ACACB: variants seen among roughly 807,000 people sequenced by gnomAD.
ACACB encodes acetyl-CoA carboxylase 2.
In ACACB, 209 loss-of-function variants were observed where a neutral mutation model predicts 278.8. The observed-to-expected ratio is 0.75, with a 90% CI of 0.67 to 0.84. ACACB has a LOEUF of 0.84. Ranked by LOEUF, ACACB falls within the 40% of genes least tolerant of loss-of-function variation. ACACB has a pLI of 0.00. For missense variants in ACACB, 2,850 were observed against 3,269.0 expected (o/e 0.87, Z 3.13); for synonymous variants, 1,174 against 1,285.6 (o/e 0.91, Z 1.86).
At position 109,256,252 on chromosome 12, in the gene ACACB, G is replaced by T; in HGVS notation, c.6263+16G>T. ...GACGAGCAAGGTAATCATGAAGACG[G>T]GAGCAGGCTGCCCATGTCTGACTCA... On this transcript the variant is annotated intron_variant, in intron 45 of 52. Transcript: ENST00000338432. The T allele has an allele frequency of 6.2e-7, 1 of 1,609,396 alleles. No homozygotes were observed. Among genetic ancestry groups the T allele is most frequent in the South Asian group, 1.1e-5 (1 of 90,962 alleles).
intron 15 of ACACB, among the ~76,000 whole-genome samples, chr12:109,192,817 A>C (rs1208402824): frequency 6.6e-6 from 1 of 151,958 alleles, no homozygotes; most frequent in Non-Finnish European, 1.5e-5. Context: ...GCATGCCATC[A>C]TGCCTGGCCA....
Position 109,209,326 on chromosome 12 carries a change from G to C in ACACB, c.3222G>C (p.Ser1074=). The C allele has an allele frequency of 6.2e-7, 1 of 1,611,846 alleles. No individual in the cohort carries two copies. The highest frequency in any genetic ancestry group is 8.5e-7 in the Non-Finnish European group (1 of 1,179,704). The change falls in exon 21 of 53, where the codon TCG becomes TCC. Residue 1074 remains serine (S), a synonymous_variant. Transcript: ENST00000338432. ...CCCAGTATGCCAGCAACATCACCTC[G>C]GTGCTGTGCCAGTTCCCCAGCCAGC... The part of the protein sequence containing the change: ...VMAQYASNIT[S]VLCQFPSQQI...
At chr12:109,155,426 C>T (rs989814941) in intron 2 of ACACB, among the ~76,000 whole-genome samples, 1 of 152,114 alleles carries the variant, frequency 6.6e-6, no homozygotes, top group African/African-American at 2.4e-5. Context: ...TGTTTCTTTC[C>T]TTTTTTGTCC....
chr12:109,144,128 C>T (rs1374459521), intron 2 of ACACB, among the ~76,000 whole-genome samples: 1 of 152,054 alleles, frequency 6.6e-6, no homozygotes, highest in East Asian at 1.9e-4. Flanking sequence ...GCCTGGGCAA[C>T]ATGGTGAAAC....
chr12:109,210,979 G>C (rs1433786216), intron 21 of ACACB, among the ~76,000 whole-genome samples: 1 of 151,964 alleles, frequency 6.6e-6, no homozygotes, highest in African/African-American at 2.4e-5. Context: ...AGCCATTCCA[G>C]GGAAGTAAGA....
At chr12:109,182,345 C>T (rs1313704539) in intron 11 of ACACB, among the ~76,000 whole-genome samples, 1 of 151,992 alleles carries the variant, frequency 6.6e-6, no homozygotes, top group Non-Finnish European at 1.5e-5. Context: ...ATTCATGAGA[C>T]TTTTTTCCTA....
intron 1 of ACACB, among the ~76,000 whole-genome samples, chr12:109,123,944 C>T (rs1262335474): frequency 6.6e-6 from 1 of 151,878 alleles, no homozygotes; most frequent in African/African-American, 2.4e-5. Flanking sequence ...CTGCCTTGGC[C>T]TCCCAAAGTG....
At position 109,189,171 on chromosome 12, in the gene ACACB, G is replaced by A. The variant is rs143633047; in HGVS notation, c.2144+1009G>A. Among the ~76,000 whole-genome samples the A allele has an allele frequency of 2.7e-3, 409 of 152,324 alleles. 3 individuals carry two copies. Among genetic ancestry groups the A allele is most frequent in the African/African-American group, 9.5e-3 (394 of 41,574 alleles). Reference sequence around the variant, plus strand: ...TTACTTTGTAATTAAATGTTTTTGTGTGGGTAACTGCCCTTCGGAGTGAAA... The same window carrying A: ...TTACTTTGTAATTAAATGTTTTTGTATGGGTAACTGCCCTTCGGAGTGAAA... On this transcript the variant is annotated intron_variant, in intron 13 of 52. Coordinates refer to ENST00000338432, the MANE Select transcript of ACACB (RefSeq NM_001093.4).
At chr12:109,238,766 T>C (rs2046711781) in intron 34 of ACACB, among the ~76,000 whole-genome samples, 1 of 151,534 alleles carries the variant, frequency 6.6e-6, no homozygotes, top group African/African-American at 2.4e-5. Flanking sequence ...GGTTTCTCCA[T>C]GTTGGTCAGG....
chr12:109,227,890 G>A (rs531130902), intron 28 of ACACB, among the ~76,000 whole-genome samples: 8 of 151,398 alleles, frequency 5.3e-5, no homozygotes, highest in South Asian at 2.1e-4. Context: ...AAAATTAGCC[G>A]GGCGTGGTGG....
At chr12:109,151,041 C>T (rs2043360723) in intron 2 of ACACB, among the ~76,000 whole-genome samples, 1 of 147,958 alleles carries the variant, frequency 6.8e-6, no homozygotes, top group African/African-American at 2.5e-5. Flanking sequence ...TGCAGTGGCA[C>T]AATTTCAGCT....
chr12:109,218,367 A>AGTTTGTTT lies in ACACB; in HGVS notation c.3564+1476_3564+1483dup, dbSNP rs57423055. On this transcript the variant is annotated intron_variant, in intron 24 of 52. Transcript: ENST00000338432. The stretch of plus-strand genomic sequence containing the variant: ...CAGACTCACACCACCACGCCCAGCT[A>AGTTTGTTT]GTTTGTTTGTTTGTTTGTTTGTTTG... 2.4e-3 allele frequency among the ~76,000 whole-genome samples: 361 copies of AGTTTGTTT among 150,104 alleles called. 1 individual carries two copies. The highest frequency in any genetic ancestry group is 6.5e-3 in the African/African-American group (266 of 40,716).
chr12:109,267,663 G>A lies in ACACB; in HGVS notation c.*1301G>A, dbSNP rs990765979. 1 of 152,358 alleles carries A rather than the reference G, an allele frequency of 6.6e-6. No homozygotes were observed. The highest frequency in any genetic ancestry group is 1.5e-5 in the Non-Finnish European group (1 of 68,150). The allele number at this position is 152,358 out of a possible 1,614,324, so 9.4% of individuals were successfully genotyped here. A position where few individuals can be genotyped will look rare whatever the true frequency, so the allele number is the denominator to read the frequency against. On this transcript the variant is annotated 3_prime_UTR_variant, in exon 53 of 53. Coordinates refer to ENST00000338432, the MANE Select transcript of ACACB (RefSeq NM_001093.4). ...TCTGACCCCGAGGGGCAGAGCTGTC[G>A]GTGACTGAGGACTGGACTGTGGTGA...
chr12:109,116,968 A>T lies in ACACB; in HGVS notation c.-10+264A>T, dbSNP rs1026695212. 2.0e-5 allele frequency among the ~76,000 whole-genome samples: 3 copies of T among 151,850 alleles called. No individual in the cohort carries two copies. The East Asian group carries it at 5.8e-4, about 29-fold the overall frequency. ...TCCCATATAAGTTCCACAACGTTTT[A>T]TAAACAATTCTGTTTTTTGCCTCCA... On this transcript the variant is annotated intron_variant, in intron 1 of 52. Coordinates refer to ENST00000338432, the MANE Select transcript of ACACB (RefSeq NM_001093.4).
intron 36 of ACACB, chr12:109,242,221 T>A (rs2046818986): frequency 3.8e-6 from 2 of 523,478 alleles, no homozygotes; most frequent in East Asian, 6.3e-5. Context: ...ACTGTATTTT[T>A]GGAACTGCAT....
intron 34 of ACACB, among the ~76,000 whole-genome samples, chr12:109,239,270 A>T (rs1030736495): frequency 1.2e-4 from 19 of 152,204 alleles, no homozygotes; most frequent in African/African-American, 4.8e-5. Context: ...ACAGATAAGG[A>T]GACAACTGCC....
chr12:109,146,137 C>T (rs1447907324), intron 2 of ACACB, among the ~76,000 whole-genome samples: 3 of 152,244 alleles, frequency 2.0e-5, no homozygotes, highest in African/African-American at 7.2e-5. Context: ...TAAGCTAGTC[C>T]TTCCAGACAG....
chr12:109,245,580 C>T (rs375659367), intron 37 of ACACB, 46 bp from the exon 38 acceptor site: 10 of 1,593,664 alleles, frequency 6.3e-6, no homozygotes, highest in Admixed American at 5.3e-5. Context: ...ATAGTTCTTC[C>T]CTACTGATGA....
At chr12:109,193,106 C>T (rs1449248421) in intron 15 of ACACB, among the ~76,000 whole-genome samples, 1 of 152,162 alleles carries the variant, frequency 6.6e-6, no homozygotes, top group Non-Finnish European at 1.5e-5. Context: ...TCCTGAAAAG[C>T]CTTTGTAAGA....
Sources: allele counts gnomAD v4.1 joint callset (sites outside exome capture counted in the v4.1 genomes callset), GRCh38; gene constraint gnomAD v4.1.1; transcripts MANE v1.5; gene names NCBI Gene and HGNC (gene_info 2026-07-23, HGNC 2026-07-21).